IKZF1: variants seen among roughly 807,000 people sequenced by gnomAD.
IKZF1 encodes IKAROS family zinc finger 1.
IKZF1 carries 10 observed loss-of-function variants against 51.7 expected under a neutral mutation model. The ratio of observed to expected loss-of-function variants is 0.19; its 90% CI spans 0.12 to 0.33. IKZF1 has a LOEUF of 0.33. IKZF1 is among the 10% of genes least tolerant of loss of function. IKZF1 has a pLI of 1.00. For synonymous variants in IKZF1, 280 were observed against 282.3 expected, an observed-to-expected ratio of 0.99 and a Z score of 0.08; for missense variants, 484 against 707.5, an observed-to-expected ratio of 0.68 and a Z score of 3.58.
intron 4 of IKZF1, chr7:50,377,041 C>A: frequency 3.4e-6 from 2 of 590,482 alleles, no homozygotes; most frequent in Non-Finnish European, 5.7e-6. Context: ...TGAACAGCAT[C>A]ACATGAGAGG....
chr7:50,400,114 G>C lies in IKZF1; in HGVS notation c.1047G>C (p.Gln349His), dbSNP rs937630364. The C allele has an allele frequency of 8.3e-6, 13 of 1,558,054 alleles. No homozygotes were observed. In the Middle Eastern group the frequency reaches 1.0e-3, roughly 120 times the overall value. The change falls in exon 8 of 8, where the codon CAG (glutamine) becomes CAC (histidine). Residue 349 changes from glutamine to histidine, a missense_variant. Around this residue, in one of 6 missense-constraint regions of IKZF1, gnomAD observed 172 missense variants for 192.7 expected, o/e 0.89. Coordinates refer to ENST00000331340, the MANE Select transcript of IKZF1 (RefSeq NM_006060.6). The surrounding 1 kb of genome is among the most constrained non-coding windows in gnomAD (Gnocchi z 5.4). ...EVVPVISPMY[Q>H]LHKPLAEGTP... Reference sequence around the variant, plus strand: ...TCCCGGTCATCAGCCCGATGTACCAGCTGCACAAGCCGCTCGCGGAGGGCA... The same window carrying C: ...TCCCGGTCATCAGCCCGATGTACCACCTGCACAAGCCGCTCGCGGAGGGCA...
intron 2 of IKZF1, among the ~76,000 whole-genome samples, chr7:50,321,313 A>C (rs1369731640): frequency 6.6e-6 from 1 of 152,272 alleles, no homozygotes; most frequent in African/African-American, 2.4e-5. Context: ...TAAATGGGAA[A>C]AAAAGCAGTT....
At chr7:50,325,418 T>C (rs1794681962) in intron 2 of IKZF1, among the ~76,000 whole-genome samples, 1 of 152,020 alleles carries the variant, frequency 6.6e-6, no homozygotes, top group African/African-American at 2.4e-5. Context: ...CTATTTGGAG[T>C]TTTTCCCCAT....
intron 2 of IKZF1, among the ~76,000 whole-genome samples, chr7:50,323,430 G>A (rs1793973710): frequency 6.6e-6 from 1 of 152,240 alleles, no homozygotes; most frequent in Non-Finnish European, 1.5e-5. Flanking sequence ...GCATTTAGGA[G>A]AGGCGGGATG....
chr7:50,350,193 C>T (rs111417117), intron 3 of IKZF1, among the ~76,000 whole-genome samples: 14 of 152,360 alleles, frequency 9.2e-5, no homozygotes, highest in African/African-American at 2.9e-4. Context: ...CATGTTGATG[C>T]TGTATCCTTG....
At chr7:50,382,509 G>C (rs898458584) in intron 4 of IKZF1, 31 bp from the exon 5 acceptor site, 1 of 1,599,886 alleles carries the variant, frequency 6.3e-7, no homozygotes, top group South Asian at 1.1e-5. Flanking sequence ...GCTGAGTTTA[G>C]TTCTCACCAG....
intron 2 of IKZF1, among the ~76,000 whole-genome samples, chr7:50,324,072 T>G (rs1264343532): frequency 6.6e-6 from 1 of 152,216 alleles, no homozygotes. Context: ...CTTGATTTAG[T>G]CATTTATTTT....
rs954001361 is a variant in IKZF1, at chr7:50,399,891, C to G, written c.851-27C>G. 2.5e-6 allele frequency: 4 copies of G among 1,594,392 alleles called. No individual in the cohort carries two copies. In the African/African-American group the frequency reaches 4.1e-5, roughly 16 times the overall value. ...GACCGGTTCCGGAGGTGGCCGCGCC[C>G]CACTCACTGTCGCCTGCTTTCCACA... On this transcript the variant is annotated intron_variant, in intron 7 of 7. Transcript: ENST00000331340.
chr7:50,357,465 C>T (rs1803799314), intron 3 of IKZF1, among the ~76,000 whole-genome samples: 1 of 152,038 alleles, frequency 6.6e-6, no homozygotes, highest in African/African-American at 2.4e-5. Flanking sequence ...TCTCACAACC[C>T]CCCTGCCACC....
At chr7:50,309,308 A>G (rs903196098) in intron 1 of IKZF1, among the ~76,000 whole-genome samples, 1 of 152,230 alleles carries the variant, frequency 6.6e-6, no homozygotes, top group Admixed American at 6.5e-5. Context: ...TCTAATGGGT[A>G]GGAGGTTAGG....
Position 50,391,783 on chromosome 7 carries a change from G to T in IKZF1, c.770G>T (p.Gly257Val), listed in dbSNP as rs979298075. 6.2e-7 allele frequency: 1 copy of T among 1,613,854 alleles called. No individual in the cohort carries two copies. The highest frequency in any genetic ancestry group is 1.3e-5 in the African/African-American group (1 of 74,902). Residue 257 changes from glycine (G) to valine (V), a missense_variant, in exon 7 of 8, where the codon GGA (glycine) becomes GTA (valine). Physicochemically the swap from Gly to Val is moderately radical, Grantham distance 109. Coordinates refer to ENST00000331340, the MANE Select transcript of IKZF1 (RefSeq NM_006060.6). ...ATGGCAGAAGACCTGTGCAAGATAGGATCAGAGAGATCTCTCGTGCTGGAC... is the reference window on the plus strand; with the variant it reads ...ATGGCAGAAGACCTGTGCAAGATAGTATCAGAGAGATCTCTCGTGCTGGAC... Reference protein sequence around the residue: ...SEMAEDLCKIGSERSLVLDRL... With the variant: ...SEMAEDLCKIVSERSLVLDRL...
chr7:50,356,408 C>T (rs1412044442), intron 3 of IKZF1, among the ~76,000 whole-genome samples: 1 of 152,138 alleles, frequency 6.6e-6, no homozygotes, highest in Non-Finnish European at 1.5e-5. Flanking sequence ...CAACTATGAG[C>T]TCATACTCTT....
chr7:50,314,251 C>T (rs375474335), intron 1 of IKZF1, among the ~76,000 whole-genome samples: 9 of 152,208 alleles, frequency 5.9e-5, no homozygotes, highest in Non-Finnish European at 8.8e-5. Flanking sequence ...GCAGAGACTA[C>T]AGGCGCCCGC....
chr7:50,391,509 G>A (rs1227090661), intron 6 of IKZF1, among the ~76,000 whole-genome samples: 1 of 152,224 alleles, frequency 6.6e-6, no homozygotes, highest in Non-Finnish European at 1.5e-5. Flanking sequence ...GATGTGTGGT[G>A]AGCAGCTGTT....
chr7:50,327,451 C>G, intron 2 of IKZF1, 187 bp from the exon 3 acceptor site: 1 of 542,150 alleles, frequency 1.8e-6, no homozygotes, highest in South Asian at 3.2e-5. Flanking sequence ...TATGTTCTCT[C>G]ATTTGTATTG....
chr7:50,345,049 G>T (rs935169271), intron 3 of IKZF1, among the ~76,000 whole-genome samples: 2 of 151,896 alleles, frequency 1.3e-5, no homozygotes. Flanking sequence ...TAAGAGGAAT[G>T]AATATTTTAA....
intron 7 of IKZF1, among the ~76,000 whole-genome samples, chr7:50,396,776 A>G (rs1202149872): frequency 1.3e-5 from 2 of 152,226 alleles, no homozygotes; most frequent in East Asian, 3.8e-4. Flanking sequence ...GGCAAAGTGC[A>G]GCCTTTGTTA....
At chr7:50,389,446 G>T (rs139988365) in intron 6 of IKZF1, among the ~76,000 whole-genome samples, 1 of 152,312 alleles carries the variant, frequency 6.6e-6, no homozygotes, top group African/African-American at 2.4e-5. Context: ...TCCCTTTGGT[G>T]GTTAAGTTAC....
chr7:50,390,211 T>G (rs1300728452), intron 6 of IKZF1, among the ~76,000 whole-genome samples: 1 of 152,032 alleles, frequency 6.6e-6, no homozygotes, highest in African/African-American at 2.4e-5. Flanking sequence ...GGTGGAGGCT[T>G]TTGGGAGGCC....
Sources: gnomAD v4.1 joint callset for allele counts (sites outside exome capture counted in the v4.1 genomes callset) on GRCh38, gnomAD v4.1.1 for gene constraint, gnomAD v4.1.1 regional missense constraint, Gnocchi (gnomAD v3.1) non-coding constraint, MANE v1.5 for transcripts, NCBI Gene and HGNC (gene_info 2026-07-23, HGNC 2026-07-21) for gene names.